Variants in MAP3K4 observed in about 807,000 individuals in gnomAD.
MAP3K4 encodes the protein mitogen-activated protein kinase kinase kinase 4.
A neutral mutation model predicts 185.6 loss-of-function variants in MAP3K4; 67 were observed. That is an observed-to-expected ratio of 0.36 (90% CI 0.30 to 0.44). The LOEUF (loss-of-function observed/expected upper bound fraction) is 0.44. Among genes scored for constraint, MAP3K4 ranks in the 20% least tolerant of loss-of-function variants. The probability of loss-of-function intolerance (pLI) is 1.00; values close to 1 mark genes in which losing one functional copy is unlikely to be tolerated. For synonymous variants in MAP3K4, 702 were observed against 710.4 expected (o/e 0.99, Z 0.19); for missense variants, 1,551 against 1,995.1 (o/e 0.78, Z 4.24).
Position 161,086,699 on chromosome 6 carries a change from T to C in MAP3K4, c.2556+32T>C, listed in dbSNP as rs1391122293. On this transcript the variant is annotated intron_variant, in intron 9 of 26. Transcript: ENST00000392142. This position sits in a 1 kb window ranked among gnomAD's most constrained non-coding sequence, Gnocchi z 4.8. ...ACTTCAAATGTTGTGATTGAAACAT[T>C]TTGCCTTTCCTTCTTTATTCTAAAA... The C allele has an allele frequency of 1.9e-6, 3 of 1,568,900 alleles. No homozygotes were observed. The highest frequency in any genetic ancestry group is 1.7e-6 in the Non-Finnish European group (2 of 1,149,780).
rs755472119 is a variant in MAP3K4, at chr6:161,049,640, T to C, written c.1368T>C (p.Ser456=). The C allele has an allele frequency of 6.2e-7, 1 of 1,614,056 alleles. No individual in the cohort carries two copies. Among genetic ancestry groups the C allele is most frequent in the South Asian group, 1.1e-5 (1 of 91,066 alleles). ...DTEGELKELE[S]STDESEEEQI... Reference sequence around the variant, plus strand: ...AAGGAGAATTAAAGGAGTTGGAAAGTAGTACGGATGAGAGTGAAGAAGAAC... The same window carrying C: ...AAGGAGAATTAAAGGAGTTGGAAAGCAGTACGGATGAGAGTGAAGAAGAAC... Residue 456 remains serine (S), a synonymous_variant, in exon 3 of 27, where the codon AGT becomes AGC. Transcript: ENST00000392142. The surrounding 1 kb of genome is among the most constrained non-coding windows in gnomAD (Gnocchi z 8.4).
chr6:161,095,464 C>T (rs1308606086), intron 15 of MAP3K4, among the ~76,000 whole-genome samples: 1 of 152,168 alleles, frequency 6.6e-6, no homozygotes, highest in Non-Finnish European at 1.5e-5. Context: ...TTCTTCCTTT[C>T]CCTCTGTTGT....
chr6:161,094,248 C>T (rs943781419), intron 15 of MAP3K4, among the ~76,000 whole-genome samples: 1 of 152,222 alleles, frequency 6.6e-6, no homozygotes, highest in Non-Finnish European at 1.5e-5. Context: ...CCCCGTTCCT[C>T]ACCTTTGAGG....
At position 161,106,062 on chromosome 6, in the gene MAP3K4, C is replaced by T. The variant is rs1254827595; in HGVS notation, c.3857-452C>T. On this transcript the variant is annotated intron_variant, in intron 19 of 26. Transcript: ENST00000392142. The surrounding 1 kb of genome is among the most constrained non-coding windows in gnomAD (Gnocchi z 4.9). ...ATTTTGCCCAGTCTGGTCTTGAACTCCTAGGCTCAAGTGATCTGCCCACCT... is the reference window on the plus strand; with the variant it reads ...ATTTTGCCCAGTCTGGTCTTGAACTTCTAGGCTCAAGTGATCTGCCCACCT... Among the ~76,000 whole-genome samples, 1 of 152,078 alleles carries T rather than the reference C, an allele frequency of 6.6e-6. No individual in the cohort carries two copies. Among genetic ancestry groups the T allele is most frequent in the Non-Finnish European group, 1.5e-5 (1 of 68,018 alleles).
intron 1 of MAP3K4, chr6:160,992,303 C>G: frequency 3.5e-6 from 2 of 575,618 alleles, no homozygotes; most frequent in South Asian, 5.1e-5. Context: ...CGCAGGGTTC[C>G]GCTCGAGCGT....
At chr6:160,992,190 C>A in intron 1 of MAP3K4, 107 bp downstream of exon 1, 1 of 1,373,860 alleles carries the variant, frequency 7.3e-7, no homozygotes, top group Non-Finnish European at 9.4e-7. Context: ...GGGAGGGAAG[C>A]ATCCAGTCTC....
rs1340479714 is a variant in MAP3K4, at chr6:161,048,312, G to C, written c.344-304G>C. On this transcript the variant is annotated intron_variant, in intron 2 of 26. Coordinates refer to ENST00000392142, the MANE Select transcript of MAP3K4 (RefSeq NM_005922.4). This position sits in a 1 kb window ranked among gnomAD's most constrained non-coding sequence, Gnocchi z 4.7. ...TGAAGGTGATTACTTACGGAAATTT[G>C]GTTAAATGATTTGATAACTATGCTT... 1.7e-6 allele frequency: 1 copy of C among 582,540 alleles called. No individual in the cohort carries two copies. The highest frequency in any genetic ancestry group is 1.8e-5 in the African/African-American group (1 of 54,130). The allele number at this position is 582,540 out of a possible 1,614,324, so 36.1% of individuals were successfully genotyped here. A position where few individuals can be genotyped will look rare whatever the true frequency, so the allele number is the denominator to read the frequency against.
chr6:160,992,315 T>G (rs1780759255), intron 1 of MAP3K4: 2 of 550,058 alleles, frequency 3.6e-6, no homozygotes, highest in Admixed American at 4.0e-5. Context: ...CTCGAGCGTG[T>G]TGCCGGCTCC....
At chr6:161,011,298 G>C (rs572439352) in intron 1 of MAP3K4, among the ~76,000 whole-genome samples, 21 of 152,174 alleles carry the variant, frequency 1.4e-4, no homozygotes, top group Admixed American at 3.9e-4. Context: ...CCTCCATGCA[G>C]GTAAATTGAT....
intron 1 of MAP3K4, among the ~76,000 whole-genome samples, chr6:161,010,771 C>G (rs1261945419): frequency 6.6e-6 from 1 of 152,154 alleles, no homozygotes; most frequent in Non-Finnish European, 1.5e-5. Flanking sequence ...ATAGAACCTA[C>G]TTGTAGGTTG....
intron 1 of MAP3K4, among the ~76,000 whole-genome samples, chr6:161,026,733 C>CTTTTTTT (rs553664182): frequency 3.5e-4 from 34 of 96,088 alleles, no homozygotes; most frequent in East Asian, 5.9e-4. Context: ...GTTCTCTCTC[C>CTTTTTTT]TTTTTTTTTT....
At position 161,049,654 on chromosome 6, in the gene MAP3K4, G is replaced by A. The variant is rs1215672206; in HGVS notation, c.1382G>A (p.Ser461Asn). ...LKELESSTDE[S>N]EEEQISDPRV... is the part of the protein sequence containing the mutation. The stretch of plus-strand genomic sequence containing the variant: ...GAGTTGGAAAGTAGTACGGATGAGA[G>A]TGAAGAAGAACAAATCTCTGATCCT... Residue 461 changes from serine to asparagine, a missense_variant, in exon 3 of 27, where the codon AGT (serine) becomes AAT (asparagine). Physicochemically the swap from Ser to Asn is conservative, Grantham distance 46 (BLOSUM62 1). Transcript: ENST00000392142. This position sits in a 1 kb window ranked among gnomAD's most constrained non-coding sequence, Gnocchi z 8.4. 1 of 1,614,026 alleles carries A rather than the reference G, an allele frequency of 6.2e-7. No individual in the cohort carries two copies. Among genetic ancestry groups the A allele is most frequent in the Non-Finnish European group, 8.5e-7 (1 of 1,180,034 alleles).
rs369140793 is a variant in MAP3K4, at chr6:161,091,426, C to T, written c.3021C>T (p.Arg1007=). 3.5e-5 allele frequency: 56 copies of T among 1,613,900 alleles called. No individual in the cohort carries two copies. Among genetic ancestry groups the T allele is most frequent in the African/African-American group, 6.7e-5 (5 of 74,956 alleles). Residue 1007 remains arginine (R), a synonymous_variant, in exon 12 of 27, where the codon CGC becomes CGT. Coordinates refer to ENST00000392142, the MANE Select transcript of MAP3K4 (RefSeq NM_005922.4). The surrounding 1 kb of genome is among the most constrained non-coding windows in gnomAD (Gnocchi z 5.5). ...ACAGGATAAGCAATGCCATTGACCG[C>T]GTGGACCACATGTTCACATCAGAAT... ...LCNRISNAID[R]VDHMFTSEFD...
chr6:161,102,652 A>G, intron 18 of MAP3K4, 47 bp from the exon 19 acceptor site: 1 of 1,266,402 alleles, frequency 7.9e-7, no homozygotes, highest in Non-Finnish European at 1.1e-6. Flanking sequence ...TCAAATAAGC[A>G]TATTTATTTC....
chr6:161,043,002 A>T lies in MAP3K4; in HGVS notation c.344-5614A>T, dbSNP rs923752641. Among the ~76,000 whole-genome samples the T allele has an allele frequency of 6.6e-6, 1 of 151,946 alleles. No homozygotes were observed. Among genetic ancestry groups the T allele is most frequent in the Non-Finnish European group, 1.5e-5 (1 of 67,974 alleles). On this transcript the variant is annotated intron_variant, in intron 2 of 26. Transcript: ENST00000392142. The surrounding 1 kb of genome is among the most constrained non-coding windows in gnomAD (Gnocchi z 4.3). Reference sequence around the variant, plus strand: ...TGCATGCATGCGTGTGCCTATATATATGTGTGTGTAAATGTGTGTATCTGC... The same window carrying T: ...TGCATGCATGCGTGTGCCTATATATTTGTGTGTGTAAATGTGTGTATCTGC...
rs74721625 is a variant in MAP3K4 at position 161,103,678 on chromosome 6, G to A, written c.3856+899G>A. Among the ~76,000 whole-genome samples, 2,045 of 152,312 alleles carry A rather than the reference G, an allele frequency of 0.013. 43 individuals carry two copies. The highest frequency in any genetic ancestry group is 0.047 in the African/African-American group (1,951 of 41,570). ...CCAGAGGTGGTGGGCAGCCCCAGAG[G>A]CTCTTGAGCAGCTGGTGTGTTTGGG... On this transcript the variant is annotated intron_variant, in intron 19 of 26. Coordinates refer to ENST00000392142, the MANE Select transcript of MAP3K4 (RefSeq NM_005922.4). This position sits in a 1 kb window ranked among gnomAD's most constrained non-coding sequence, Gnocchi z 4.6.
At chr6:161,094,241 C>T (rs1419343824) in intron 15 of MAP3K4, among the ~76,000 whole-genome samples, 1 of 152,238 alleles carries the variant, frequency 6.6e-6, no homozygotes, top group African/African-American at 2.4e-5. Flanking sequence ...CCCTGTCCCC[C>T]GTTCCTCACC....
chr6:161,027,032 T>C (rs907774599), intron 1 of MAP3K4, among the ~76,000 whole-genome samples: 3 of 152,196 alleles, frequency 2.0e-5, no homozygotes, highest in Non-Finnish European at 2.9e-5. Flanking sequence ...ATATGCTATA[T>C]AAATCTATGA....
chr6:161,105,811 A>G (rs753248196), intron 19 of MAP3K4, among the ~76,000 whole-genome samples: 1 of 149,610 alleles, frequency 6.7e-6, no homozygotes, highest in Non-Finnish European at 1.5e-5. Flanking sequence ...GTAGTGGAGA[A>G]CCATGAACTA....
Sources: gnomAD v4.1 joint callset for allele counts (sites outside exome capture counted in the v4.1 genomes callset) on GRCh38, gnomAD v4.1.1 for gene constraint, Gnocchi (gnomAD v3.1) non-coding constraint, MANE v1.5 for transcripts, NCBI Gene and HGNC (gene_info 2026-07-23, HGNC 2026-07-21) for gene names.